Variants in SMCHD1 observed in about 807,000 individuals in gnomAD.
SMCHD1 encodes the protein structural maintenance of chromosomes flexible hinge domain-containing protein 1.
Under a neutral mutation model 254.7 loss-of-function variants are expected in SMCHD1, and 78 were observed. That is an observed-to-expected ratio of 0.31 (90% CI 0.26 to 0.37). SMCHD1 has a LOEUF of 0.37. Ranked by LOEUF, SMCHD1 falls within the 10% of genes least tolerant of loss-of-function variation. The pLI, the probability that SMCHD1 is intolerant of heterozygous loss-of-function variation, is 1.00. For synonymous variants in SMCHD1, 766 were observed against 794.9 expected (o/e 0.96, Z 0.61); for missense variants, 1,840 against 2,408.1 (o/e 0.76, Z 4.94).
At chr18:2,671,759 C>A (rs925916530) in intron 3 of SMCHD1, among the ~76,000 whole-genome samples, 1 of 151,192 alleles carries the variant, frequency 6.6e-6, no homozygotes, top group Non-Finnish European at 1.5e-5. Flanking sequence ...GCACGCCTGG[C>A]GAATTTTTTT....
rs148159201 is a variant in SMCHD1, at chr18:2,676,347, G to A, written c.638+2202G>A. Among the ~76,000 whole-genome samples the A allele has an allele frequency of 4.1e-3, 630 of 152,294 alleles. 4 individuals carry two copies. Among genetic ancestry groups the A allele is most frequent in the African/African-American group, 0.015 (608 of 41,558 alleles). On this transcript the variant is annotated intron_variant, in intron 5 of 47. Transcript: ENST00000320876. ...AAAAATGTAGAATAATAGAGCTGATGCACATCTCCTCTAGATAAGGTGGTT... is the reference window on the plus strand; with the variant it reads ...AAAAATGTAGAATAATAGAGCTGATACACATCTCCTCTAGATAAGGTGGTT...
At chr18:2,697,567 G>C (rs907772353) in intron 9 of SMCHD1, among the ~76,000 whole-genome samples, 1 of 152,126 alleles carries the variant, frequency 6.6e-6, no homozygotes, top group African/African-American at 2.4e-5. Flanking sequence ...AAGAAACCTC[G>C]AATTAAATGT....
chr18:2,696,025 T>C (rs1050909883), intron 8 of SMCHD1, among the ~76,000 whole-genome samples: 1 of 152,232 alleles, frequency 6.6e-6, no homozygotes, highest in African/African-American at 2.4e-5. Flanking sequence ...TGAAGGATTA[T>C]GAAGAAATAT....
chr18:2,722,438 A>G, intron 19 of SMCHD1, 81 bp from the exon 20 acceptor site: 1 of 1,160,522 alleles, frequency 8.6e-7, no homozygotes, highest in Non-Finnish European at 1.2e-6. Flanking sequence ...TTTCTCAGAT[A>G]GAAATGGATC....
chr18:2,723,859 T>C (rs1442215906), intron 20 of SMCHD1, among the ~76,000 whole-genome samples: 1 of 152,094 alleles, frequency 6.6e-6, no homozygotes. Context: ...TTCTGAACAG[T>C]ACCTGGGCAC....
intron 37 of SMCHD1, among the ~76,000 whole-genome samples, chr18:2,766,973 C>T (rs1224485660): frequency 6.6e-6 from 1 of 152,130 alleles, no homozygotes; most frequent in African/African-American, 2.4e-5. Flanking sequence ...AAAAGTTACA[C>T]TTTCTGCGGG....
At chr18:2,800,464 C>A (rs763134413) in intron 47 of SMCHD1, 1 of 152,080 alleles carries the variant, frequency 6.6e-6, no homozygotes, top group African/African-American at 2.4e-5. Context: ...TGGCTCTGCA[C>A]CTGCACATTT....
intron 29 of SMCHD1, among the ~76,000 whole-genome samples, chr18:2,744,263 A>T (rs2075406193): frequency 6.6e-6 from 1 of 152,140 alleles, no homozygotes; most frequent in African/African-American, 2.4e-5. Context: ...GATTTTTGCC[A>T]ATTTTGTTCT....
chr18:2,707,860 C>T lies in SMCHD1; in HGVS notation c.2200C>T (p.Pro734Ser). ...NKKGEAMQKL[P>S]GTSHGGSKKL... ...AAAAGGGGAAGCAATGCAAAAGCTT[C>T]CAGGAACAAGCCATGGAGGGTCAAA... The change falls in exon 17 of 48, where the codon CCA becomes TCA. Residue 734 changes from proline to serine, a missense_variant. Pro to Ser is a moderately conservative substitution (Grantham distance 74, BLOSUM62 -1). Around this residue, in one of 9 missense-constraint regions of SMCHD1, gnomAD observed 498 missense variants for 743.5 expected, o/e 0.67. Coordinates refer to ENST00000320876, the MANE Select transcript of SMCHD1 (RefSeq NM_015295.3). 2 of 1,609,440 alleles carry T rather than the reference C, an allele frequency of 1.2e-6. No homozygotes were observed. The highest frequency in any genetic ancestry group is 1.7e-6 in the Non-Finnish European group (2 of 1,177,928).
chr18:2,710,369 T>G (rs1211155766), intron 17 of SMCHD1, among the ~76,000 whole-genome samples: 1 of 152,170 alleles, frequency 6.6e-6, no homozygotes, highest in African/African-American at 2.4e-5. Flanking sequence ...TTTGGCTATT[T>G]GGGTCCATGG....
intron 5 of SMCHD1, among the ~76,000 whole-genome samples, chr18:2,682,812 A>G (rs2073963606): frequency 6.6e-6 from 1 of 152,216 alleles, no homozygotes; most frequent in Admixed American, 6.5e-5. Flanking sequence ...GCTGTGGTGT[A>G]AAACTGTTCC....
chr18:2,791,439 G>A (rs1462196602), intron 45 of SMCHD1, among the ~76,000 whole-genome samples: 2 of 152,140 alleles, frequency 1.3e-5, no homozygotes, highest in African/African-American at 4.8e-5. Context: ...AGTTGGGCCT[G>A]GTGGCTCGCT....
chr18:2,730,182 A>AT (rs2075109613), intron 24 of SMCHD1, among the ~76,000 whole-genome samples: 1 of 151,396 alleles, frequency 6.6e-6, no homozygotes, highest in Non-Finnish European at 1.5e-5. Context: ...TTCTATTTAT[A>AT]TTTTTTGAGA....
chr18:2,738,815 G>A (rs2075298095), intron 26 of SMCHD1, among the ~76,000 whole-genome samples: 1 of 152,112 alleles, frequency 6.6e-6, no homozygotes, highest in South Asian at 2.1e-4. Flanking sequence ...ACAAAGACGT[G>A]AAAAATACAA....
rs867694014 is a variant in SMCHD1, at chr18:2,777,822, C to A, written c.5383C>A (p.Arg1795=). The A allele has an allele frequency of 2.0e-6, 3 of 1,531,320 alleles. No homozygotes were observed. The highest frequency in any genetic ancestry group is 1.8e-6 in the Non-Finnish European group (2 of 1,136,256). The allele number at this position is 1,531,320 out of a possible 1,614,324, so 94.9% of individuals were successfully genotyped here. The change falls in exon 43 of 48, where the codon CGA becomes AGA. Residue 1795 remains arginine (R), a synonymous_variant. Transcript: ENST00000320876. Reference sequence around the variant, plus strand: ...TTTATTTAGATCTCTACCTCATTTCCGAAATGGAAAATTGTATTTTAAACC... The same window carrying A: ...TTTATTTAGATCTCTACCTCATTTCAGAAATGGAAAATTGTATTTTAAACC... The part of the protein sequence containing the change: ...PDWKRSLPHF[R]NGKLYFKPIG...
chr18:2,742,736 T>C (rs1322049755), intron 28 of SMCHD1, among the ~76,000 whole-genome samples: 2 of 152,102 alleles, frequency 1.3e-5, no homozygotes, highest in Non-Finnish European at 2.9e-5. Flanking sequence ...CAGTGCAGTG[T>C]TGTGAATATG....
At chr18:2,781,988 C>T (rs1299250106) in intron 44 of SMCHD1, among the ~76,000 whole-genome samples, 1 of 151,976 alleles carries the variant, frequency 6.6e-6, no homozygotes, top group Non-Finnish European at 1.5e-5. Flanking sequence ...TGAAAGATAC[C>T]AATACTAGTT....
chr18:2,777,169 G>A (rs1447053288), intron 42 of SMCHD1, among the ~76,000 whole-genome samples: 1 of 151,902 alleles, frequency 6.6e-6, no homozygotes, highest in Admixed American at 6.6e-5. Flanking sequence ...TTGATTTAGG[G>A]AAAGTATGGA....
chr18:2,702,692 A>G (rs951100063), intron 12 of SMCHD1, among the ~76,000 whole-genome samples: 1 of 152,206 alleles, frequency 6.6e-6, no homozygotes, highest in African/African-American at 2.4e-5. Flanking sequence ...TACCATGTAT[A>G]TATATTTCCT....
Sources: gnomAD v4.1 joint callset for allele counts (sites outside exome capture counted in the v4.1 genomes callset) on GRCh38, gnomAD v4.1.1 for gene constraint, gnomAD v4.1.1 regional missense constraint, MANE v1.5 for transcripts, NCBI Gene and HGNC (gene_info 2026-07-23, HGNC 2026-07-21) for gene names.